WNT8B: variants seen among roughly 807,000 people sequenced by gnomAD.
The protein encoded by WNT8B is Wnt family member 8B.
WNT8B carries 24 observed loss-of-function variants against 36.6 expected under a neutral mutation model. That is an observed-to-expected ratio of 0.66 (90% confidence interval 0.48 to 0.92). WNT8B has a LOEUF of 0.92. Among genes scored for constraint, WNT8B ranks in the 40% least tolerant of loss-of-function variants. The pLI is 0.00. For synonymous variants in WNT8B, 199 were observed against 189.8 expected (o/e 1.05, Z -0.40); for missense variants, 402 against 470.8 (o/e 0.85, Z 1.35).
chr10:100,471,889 T>C (rs1193835186), intron 1 of WNT8B, among the ~76,000 whole-genome samples: 1 of 152,022 alleles, frequency 6.6e-6, no homozygotes, highest in Non-Finnish European at 1.5e-5. Context: ...ACCCTGTCTC[T>C]ACAAAAAATA....
intron 1 of WNT8B, among the ~76,000 whole-genome samples, chr10:100,477,774 G>GTTTTTTTTTGTT (rs1851057031): frequency 1.0e-5 from 1 of 97,140 alleles, no homozygotes; most frequent in African/African-American, 3.5e-5. Context: ...TTCATTTTTA[G>GTTTTTTTTTGTT]TTTTTTTTTG....
intron 1 of WNT8B, among the ~76,000 whole-genome samples, chr10:100,464,245 T>C (rs1850887497): frequency 6.6e-6 from 1 of 152,188 alleles, no homozygotes; most frequent in Admixed American, 6.5e-5. Flanking sequence ...ATAGGAAGTA[T>C]GCCAACTTCA....
chr10:100,466,486 T>G (rs1041194621), intron 1 of WNT8B, among the ~76,000 whole-genome samples: 1 of 152,138 alleles, frequency 6.6e-6, no homozygotes, highest in African/African-American at 2.4e-5. Flanking sequence ...ATAACTATTA[T>G]TATTATAATT....
chr10:100,475,619 C>T (rs1390092536), intron 1 of WNT8B, among the ~76,000 whole-genome samples: 2 of 152,230 alleles, frequency 1.3e-5, no homozygotes, highest in Non-Finnish European at 2.9e-5. Flanking sequence ...CCAGCTATGG[C>T]AAAGCATTTT....
intron 1 of WNT8B, among the ~76,000 whole-genome samples, chr10:100,476,403 A>G (rs895151149): frequency 6.6e-5 from 10 of 152,288 alleles, no homozygotes; most frequent in African/African-American, 1.9e-4. Flanking sequence ...CTCATATGGC[A>G]GCCTCTTAGT....
At chr10:100,465,021 A>G (rs1426534768) in intron 1 of WNT8B, among the ~76,000 whole-genome samples, 1 of 152,154 alleles carries the variant, frequency 6.6e-6, no homozygotes, top group Non-Finnish European at 1.5e-5. Flanking sequence ...TTAATACTTC[A>G]TTATCAACCT....
chr10:100,479,106 T>C (rs1651722860), intron 2 of WNT8B, 21 bp downstream of exon 2: 3 of 1,590,928 alleles, frequency 1.9e-6, no homozygotes, highest in African/African-American at 1.4e-5. Flanking sequence ...ATTCCATTAA[T>C]TGATATGGAT....
At chr10:100,475,232 A>G (rs535792495) in intron 1 of WNT8B, among the ~76,000 whole-genome samples, 35 of 152,024 alleles carry the variant, frequency 2.3e-4, no homozygotes, top group African/African-American at 8.2e-4. Flanking sequence ...ACAGAGCAAG[A>G]CTCCGTCTCA....
chr10:100,482,629 T>TCTGCGGGGA lies in WNT8B; in HGVS notation c.877_885dup (p.Asp293_Gly295dup), dbSNP rs760005582. Reference sequence around the variant, plus strand: ...TGGGAACGCCGCAGCTGCCGCCGGCTCTGCGGGGACTGCGGGCTGGCGGTG... The same window carrying TCTGCGGGGA: ...TGGGAACGCCGCAGCTGCCGCCGGCTCTGCGGGGACTGCGGGGACTGCGGGCTGGCGGTG... On this transcript the variant is annotated inframe_insertion, in exon 6 of 6. Coordinates refer to ENST00000343737, the MANE Select transcript of WNT8B (RefSeq NM_003393.4). This position sits in a 1 kb window ranked among gnomAD's most constrained non-coding sequence, Gnocchi z 6.6. 1 of 1,603,000 alleles carries TCTGCGGGGA rather than the reference T, an allele frequency of 6.2e-7. No homozygotes were observed. The highest frequency in any genetic ancestry group is 8.5e-7 in the Non-Finnish European group (1 of 1,177,898).
At chr10:100,465,656 G>A (rs140873350) in intron 1 of WNT8B, among the ~76,000 whole-genome samples, 5 of 152,224 alleles carry the variant, frequency 3.3e-5, no homozygotes, top group South Asian at 2.1e-4. Context: ...AGAAGTCACC[G>A]CCTCTACTTC....
At position 100,482,322 on chromosome 10, in the gene WNT8B, A is replaced by T. The variant is rs1380038562; in HGVS notation, c.562A>T (p.Ser188Cys). The T allele has an allele frequency of 6.2e-7, 1 of 1,600,942 alleles. No homozygotes were observed. The highest frequency in any genetic ancestry group is 2.2e-5 in the East Asian group (1 of 44,804). The change falls in exon 6 of 6, where the codon AGC (serine) becomes TGC (cysteine). Residue 188 changes from serine to cysteine, a missense_variant. Physicochemically the swap from Ser to Cys is moderately radical, Grantham distance 112. Around this residue, in one of 3 missense-constraint regions of WNT8B, gnomAD observed 256 missense variants for 278.6 expected, o/e 0.92. Transcript: ENST00000343737. This position sits in a 1 kb window ranked among gnomAD's most constrained non-coding sequence, Gnocchi z 6.6. Reference protein sequence around the residue: ...RTCKCHGVSGSCTTQTCWLQL... With the variant: ...RTCKCHGVSGCCTTQTCWLQL... ...GTGCAAGTGCCACGGCGTGTCTGGC[A>T]GCTGCACCACGCAGACCTGTTGGCT...
At chr10:100,480,865 T>A in intron 3 of WNT8B, 133 bp from the exon 4 acceptor site, 2 of 1,082,122 alleles carry the variant, frequency 1.8e-6, no homozygotes, top group East Asian at 2.6e-5. Context: ...TAAAAAATAA[T>A]AATAAAGATG....
chr10:100,480,071 G>A, intron 3 of WNT8B, 59 bp downstream of exon 3: 1 of 1,586,508 alleles, frequency 6.3e-7, no homozygotes, highest in Non-Finnish European at 8.6e-7. Flanking sequence ...AGAGCCCCAG[G>A]GATAGCCCCT....
chr10:100,472,356 C>T (rs981454177), intron 1 of WNT8B, among the ~76,000 whole-genome samples: 6 of 152,056 alleles, frequency 3.9e-5, no homozygotes, highest in African/African-American at 1.2e-4. Flanking sequence ...CCTCAGCCTC[C>T]CAAAGTGCTG....
At chr10:100,473,366 A>T (rs1005002158) in intron 1 of WNT8B, among the ~76,000 whole-genome samples, 1 of 152,196 alleles carries the variant, frequency 6.6e-6, no homozygotes, top group African/African-American at 2.4e-5. Context: ...AACCTTCACC[A>T]CAATCCATTT....
intron 1 of WNT8B, among the ~76,000 whole-genome samples, chr10:100,473,596 T>C (rs1851002280): frequency 6.6e-6 from 1 of 152,194 alleles, no homozygotes; most frequent in South Asian, 2.1e-4. Flanking sequence ...TGTTGTAGCT[T>C]GTATCCAGTA....
intron 4 of WNT8B, 128 bp downstream of exon 4, chr10:100,481,251 C>A: frequency 7.6e-7 from 1 of 1,310,098 alleles, no homozygotes. Context: ...GATGGGTGAA[C>A]GAGTTTGATC....
Position 100,482,931 on chromosome 10 carries a change from A to T in WNT8B, c.*115A>T. 8.4e-7 allele frequency: 1 copy of T among 1,194,234 alleles called. No homozygotes were observed. Among genetic ancestry groups the T allele is most frequent in the Non-Finnish European group, 1.1e-6 (1 of 885,338 alleles). The allele number at this position is 1,194,234 out of a possible 1,614,324, so 74.0% of individuals were successfully genotyped here. A position where few individuals can be genotyped will look rare whatever the true frequency, so the allele number is the denominator to read the frequency against. On this transcript the variant is annotated 3_prime_UTR_variant, in exon 6 of 6. Coordinates refer to ENST00000343737, the MANE Select transcript of WNT8B (RefSeq NM_003393.4). This position sits in a 1 kb window ranked among gnomAD's most constrained non-coding sequence, Gnocchi z 6.6. The stretch of plus-strand genomic sequence containing the variant: ...CTCTCCCAGACCTAGGGATCCTGAG[A>T]GGGAGAGACTGCAATTTCTCCAAAG...
At position 100,482,247 on chromosome 10, in the gene WNT8B, T is replaced by A. The variant is rs1291407949; in HGVS notation, c.511-24T>A. ...CTCGCCACGCGCTTAATCCGGGGCC[T>A]CTCACTCCTAGCTCTCTCCCCAGGC... On this transcript the variant is annotated intron_variant, in intron 5 of 5. Transcript: ENST00000343737. This position sits in a 1 kb window ranked among gnomAD's most constrained non-coding sequence, Gnocchi z 6.6. 6.4e-7 allele frequency: 1 copy of A among 1,558,276 alleles called. No individual in the cohort carries two copies. The highest frequency in any genetic ancestry group is 8.6e-7 in the Non-Finnish European group (1 of 1,156,646).
Sources: allele counts gnomAD v4.1 joint callset (sites outside exome capture counted in the v4.1 genomes callset), GRCh38; gene constraint gnomAD v4.1.1; regional missense constraint gnomAD v4.1.1; non-coding constraint Gnocchi (gnomAD v3.1); transcripts MANE v1.5; gene names NCBI Gene and HGNC (gene_info 2026-07-23, HGNC 2026-07-21).